The following THRAP3 variants were observed in gnomAD, a reference collection of about 807,000 sequenced individuals.
THRAP3 encodes the protein thyroid hormone receptor-associated protein 3.
THRAP3 carries 16 observed loss-of-function variants against 101.0 expected under a neutral mutation model. The observed-to-expected ratio is 0.16, with a 90% CI of 0.11 to 0.24. The LOEUF (loss-of-function observed/expected upper bound fraction) is 0.24, where lower values mean the gene tolerates loss of function less well. Among genes scored for constraint, THRAP3 ranks in the 10% least tolerant of loss-of-function variants. The pLI is 1.00. For missense variants in THRAP3, 989 were observed against 1,202.7 expected (o/e 0.82, Z 2.63); for synonymous variants, 407 against 422.6 (o/e 0.96, Z 0.45).
the THRAP3 span, among the ~76,000 whole-genome samples, chr1:36,214,042 GAAAGAAAGAAAGA>G: frequency 0.021 from 2,819 of 135,378 alleles, 61 homozygotes; most frequent in Middle Eastern, 0.062. Flanking sequence ...AAGAAAGAAA[GAAAGAAAGAAAGA>G]AAGAAAGAAA....
At chr1:36,291,772 A>G (rs1277609375) in intron 6 of THRAP3, among the ~76,000 whole-genome samples, 1 of 152,234 alleles carries the variant, frequency 6.6e-6, no homozygotes, top group African/African-American at 2.4e-5. Context: ...AACAGGTGAA[A>G]TCCTTAACAC....
chr1:36,276,029 T>G (rs1401596945), intron 2 of THRAP3, among the ~76,000 whole-genome samples: 1 of 152,052 alleles, frequency 6.6e-6, no homozygotes, highest in Non-Finnish European at 1.5e-5. Context: ...TAAATAAAGT[T>G]GGACCCATAC....
chr1:36,247,870 C>CTTTT (rs550667195), intron 1 of THRAP3, among the ~76,000 whole-genome samples: 2 of 128,532 alleles, frequency 1.6e-5, no homozygotes, highest in Non-Finnish European at 3.3e-5. Flanking sequence ...CCATCTTCAT[C>CTTTT]TTTTTTTTTT....
At chr1:36,253,109 A>T (rs1466805900) in intron 1 of THRAP3, among the ~76,000 whole-genome samples, 1 of 151,784 alleles carries the variant, frequency 6.6e-6, no homozygotes, top group Non-Finnish European at 1.5e-5. Flanking sequence ...TTATTTGTTA[A>T]TGCTGATCTG....
intron 4 of THRAP3, chr1:36,288,014 T>A: frequency 1.0e-6 from 1 of 953,006 alleles, no homozygotes; most frequent in Non-Finnish European, 1.2e-6. Context: ...TCTTTTATCG[T>A]ATTTAGCATG....
upstream of THRAP3, among the ~76,000 whole-genome samples, chr1:36,222,664 C>A (rs989039041): frequency 2.0e-5 from 3 of 152,124 alleles, no homozygotes; most frequent in African/African-American, 7.2e-5. Context: ...CGCCTCGGTT[C>A]TCCCAAAGCG....
chr1:36,210,664 T>C, the THRAP3 span, among the ~76,000 whole-genome samples: 30 of 110,642 alleles, frequency 2.7e-4, no homozygotes, highest in African/African-American at 1.0e-3. Context: ...CACTCTAGCC[T>C]GGATGACAGA....
intron 2 of THRAP3, among the ~76,000 whole-genome samples, chr1:36,278,209 G>A (rs997477474): frequency 6.6e-6 from 1 of 151,830 alleles, no homozygotes; most frequent in African/African-American, 2.4e-5. Context: ...GGGATTACAG[G>A]TGCCTGCCAC....
chr1:36,212,147 T>G, the THRAP3 span, among the ~76,000 whole-genome samples: 1 of 152,218 alleles, frequency 6.6e-6, no homozygotes, highest in African/African-American at 2.4e-5. Context: ...ATTCTCAGGA[T>G]GGCTGCCTCT....
Position 36,296,634 on chromosome 1 carries a change from C to T in THRAP3, c.2167C>T (p.Arg723Cys), listed in dbSNP as rs750084676. 7 of 1,595,882 alleles carry T rather than the reference C, an allele frequency of 4.4e-6. No individual in the cohort carries two copies. Among genetic ancestry groups the T allele is most frequent in the South Asian group, 1.1e-5 (1 of 87,264 alleles). Residue 723 changes from arginine to cysteine, a missense_variant, in exon 9 of 12, where the codon CGT becomes TGT. By Grantham distance (180) the Arg-to-Cys change is radical. Coordinates refer to ENST00000354618, the MANE Select transcript of THRAP3 (RefSeq NM_005119.4). ...TGTTGATCTCCGCCTTGATATTGAA[C>T]GTCGTAAAAAACATAAGGAGAGAGA... is the stretch of plus-strand genomic sequence containing the variant. The part of the protein sequence containing the change: ...DPVDLRLDIE[R>C]RKKHKERDLK...
the THRAP3 span, among the ~76,000 whole-genome samples, chr1:36,214,006 GAAAGAAAGAAAGA>G: frequency 5.7e-5 from 2 of 35,220 alleles, no homozygotes; most frequent in African/African-American, 2.3e-4. Flanking sequence ...AGGAAAGAAA[GAAAGAAAGAAAGA>G]AAGAAAGAAA....
intron 8 of THRAP3, 151 bp from the exon 9 acceptor site, chr1:36,296,432 C>T (rs1645952187): frequency 1.7e-6 from 1 of 599,878 alleles, no homozygotes. Context: ...TGTGGGACAT[C>T]CTGCATCCCT....
chr1:36,218,639 A>G, the THRAP3 span, among the ~76,000 whole-genome samples: 1 of 149,724 alleles, frequency 6.7e-6, no homozygotes, highest in Non-Finnish European at 1.5e-5. Flanking sequence ...GGAGAATGGC[A>G]TGAACCCGGG....
At chr1:36,224,570 C>A (rs905209712) in intron 1 of THRAP3, 65 bp downstream of exon 1, 39 of 152,606 alleles carry the variant, frequency 2.6e-4, no homozygotes, top group African/African-American at 8.4e-4. Flanking sequence ...CGTCTCTTAT[C>A]TTTTTTCCCC....
intron 1 of THRAP3, among the ~76,000 whole-genome samples, chr1:36,248,797 C>G (rs1245889900): frequency 6.6e-6 from 1 of 151,996 alleles, no homozygotes; most frequent in Non-Finnish European, 1.5e-5. Flanking sequence ...TCAAACTTAC[C>G]TATTGAGCAA....
intron 8 of THRAP3, among the ~76,000 whole-genome samples, chr1:36,294,813 C>G (rs1306921648): frequency 6.6e-6 from 1 of 152,148 alleles, no homozygotes; most frequent in Non-Finnish European, 1.5e-5. Flanking sequence ...CCCAAAAAAG[C>G]CAACTCATTG....
At chr1:36,262,160 T>A (rs936326850) in intron 2 of THRAP3, among the ~76,000 whole-genome samples, 1 of 152,222 alleles carries the variant, frequency 6.6e-6, no homozygotes. Context: ...TTTCAACATA[T>A]AAGTGATATA....
intron 4 of THRAP3, chr1:36,288,747 AT>A (rs1645827354): frequency 1.0e-6 from 1 of 985,460 alleles, no homozygotes; most frequent in Non-Finnish European, 1.2e-6. Context: ...CCTAGATCAC[AT>A]TACAGGTAAG....
intron 1 of THRAP3, among the ~76,000 whole-genome samples, chr1:36,253,882 G>C (rs1436638967): frequency 6.6e-6 from 1 of 150,866 alleles, no homozygotes; most frequent in African/African-American, 2.4e-5. Flanking sequence ...TGGGATTACA[G>C]ATGTGAGCTA....
Sources: allele counts gnomAD v4.1 joint callset (sites outside exome capture counted in the v4.1 genomes callset), GRCh38; gene constraint gnomAD v4.1.1; transcripts MANE v1.5; gene names NCBI Gene and HGNC (gene_info 2026-07-23, HGNC 2026-07-21).